Variants in SHISA9 observed in about 807,000 individuals in gnomAD.
SHISA9 encodes the protein protein shisa-9.
SHISA9 carries 13 observed loss-of-function variants against 38.0 expected under a neutral mutation model. The observed-to-expected ratio is 0.34, with a 90% confidence interval of 0.22 to 0.54. The LOEUF (loss-of-function observed/expected upper bound fraction) is 0.54. SHISA9 is among the 20% of genes least tolerant of loss of function. The pLI is 0.91. For missense variants in SHISA9, 538 were observed against 575.8 expected (o/e 0.93, Z 0.67); for synonymous variants, 275 against 242.0 (o/e 1.14, Z -1.27).
the SHISA9 span, among the ~76,000 whole-genome samples, chr16:13,484,031 TG>T: frequency 6.6e-6 from 1 of 152,136 alleles, no homozygotes; most frequent in Non-Finnish European, 1.5e-5. Flanking sequence ...GACTGGTGTC[TG>T]GGGTAGGGGT....
chr16:13,128,246 T>A (rs1231815135), intron 2 of SHISA9, among the ~76,000 whole-genome samples: 1 of 152,220 alleles, frequency 6.6e-6, no homozygotes, highest in Non-Finnish European at 1.5e-5. Context: ...AGAAGACAGG[T>A]GACATATTTT....
the SHISA9 span, among the ~76,000 whole-genome samples, chr16:13,436,008 C>G: frequency 6.6e-6 from 1 of 152,124 alleles, no homozygotes; most frequent in Non-Finnish European, 1.5e-5. Context: ...TGTTGGGGCA[C>G]CCTTGTAGGC....
intron 2 of SHISA9, among the ~76,000 whole-genome samples, chr16:13,007,904 T>C (rs1306634095): frequency 1.3e-5 from 2 of 152,210 alleles, no homozygotes; most frequent in Non-Finnish European, 2.9e-5. Flanking sequence ...AGGGTTTTAG[T>C]ATTCCCAGGG....
intron 4 of SHISA9, among the ~76,000 whole-genome samples, chr16:13,213,875 A>G (rs2051143394): frequency 6.6e-6 from 1 of 152,158 alleles, no homozygotes; most frequent in Non-Finnish European, 1.5e-5. Context: ...GCGCCCTACT[A>G]TGTGCCAGAG....
chr16:13,355,046 G>C, the SHISA9 span, among the ~76,000 whole-genome samples: 1 of 149,632 alleles, frequency 6.7e-6, no homozygotes. Context: ...AAGAAAGCAT[G>C]TTTGAGATCT....
chr16:13,426,001 C>G, the SHISA9 span, among the ~76,000 whole-genome samples: 1 of 152,154 alleles, frequency 6.6e-6, no homozygotes, highest in Non-Finnish European at 1.5e-5. Context: ...GGTAAGCTAA[C>G]GAACAGGAAA....
At chr16:12,933,143 T>G (rs1738423908) in intron 2 of SHISA9, among the ~76,000 whole-genome samples, 1 of 152,212 alleles carries the variant, frequency 6.6e-6, no homozygotes. Context: ...AATGAATGAA[T>G]ATATGAATGA....
intron 2 of SHISA9, among the ~76,000 whole-genome samples, chr16:13,136,908 G>A (rs747206392): frequency 4.6e-5 from 7 of 152,050 alleles, no homozygotes; most frequent in East Asian, 1.9e-4. Context: ...AGCTCTTCTC[G>A]GTCATTGGCA....
intron 2 of SHISA9, among the ~76,000 whole-genome samples, chr16:13,166,082 A>G (rs746594499): frequency 6.6e-6 from 1 of 152,206 alleles, no homozygotes; most frequent in Non-Finnish European, 1.5e-5. Flanking sequence ...TAGTCTTGGC[A>G]TTTGATAGAT....
At chr16:13,206,684 T>A (rs953127630) in intron 3 of SHISA9, among the ~76,000 whole-genome samples, 1 of 152,232 alleles carries the variant, frequency 6.6e-6, no homozygotes, top group Non-Finnish European at 1.5e-5. Context: ...ATGTGCAAAC[T>A]GACACAGGCT....
chr16:12,970,337 A>ACATATGTG (rs1327949368), intron 2 of SHISA9, among the ~76,000 whole-genome samples: 1 of 87,412 alleles, frequency 1.1e-5, no homozygotes, highest in Non-Finnish European at 2.2e-5. Flanking sequence ...ATATATATAT[A>ACATATGTG]TATATACATA....
At chr16:13,216,206 AG>A (rs1367258467) in intron 4 of SHISA9, among the ~76,000 whole-genome samples, 2,081 of 52,868 alleles carry the variant, frequency 0.039, 30 homozygotes, top group Non-Finnish European at 0.051. Context: ...AAAAAAAAAA[AG>A]AGAGAGACAA....
the SHISA9 span, among the ~76,000 whole-genome samples, chr16:13,536,007 T>TC: frequency 2.0e-5 from 3 of 151,910 alleles, no homozygotes; most frequent in Non-Finnish European, 2.9e-5. Flanking sequence ...TTTTCTTTTT[T>TC]TTTTTTTTTG....
At chr16:13,197,558 CCTT>C (rs10533952) in intron 2 of SHISA9, 76,402 of 151,682 alleles carry the variant, frequency 0.5, 20,105 homozygotes, top group African/African-American at 0.67. Context: ...TGTATCTTAA[CCTT>C]CTTTGAAGAC....
intron 2 of SHISA9, among the ~76,000 whole-genome samples, chr16:12,992,660 G>T (rs1309581283): frequency 6.6e-6 from 1 of 152,162 alleles, no homozygotes; most frequent in African/African-American, 2.4e-5. Context: ...TGTTCTTTCA[G>T]CCACAACAAA....
chr16:13,069,074 T>G (rs2073472660), intron 2 of SHISA9, among the ~76,000 whole-genome samples: 1 of 152,016 alleles, frequency 6.6e-6, no homozygotes, highest in African/African-American at 2.4e-5. Flanking sequence ...TGTGTGTACA[T>G]GTGTACATGC....
At chr16:13,089,228 T>C (rs755140697) in intron 2 of SHISA9, among the ~76,000 whole-genome samples, 7 of 152,242 alleles carry the variant, frequency 4.6e-5, no homozygotes, top group Non-Finnish European at 7.3e-5. Context: ...GATTTACGCA[T>C]TGATGTTCAT....
chr16:13,388,086 G>A, the SHISA9 span, among the ~76,000 whole-genome samples: 1 of 152,060 alleles, frequency 6.6e-6, no homozygotes. Flanking sequence ...TCCATCCTGG[G>A]AGCTCTATAT....
At chr16:12,992,378 A>G (rs2072398137) in intron 2 of SHISA9, among the ~76,000 whole-genome samples, 3 of 151,480 alleles carry the variant, frequency 2.0e-5, no homozygotes. Flanking sequence ...AAAAAAAAAA[A>G]AAAGTAAACC....
Sources: gnomAD v4.1 joint callset for allele counts (sites outside exome capture counted in the v4.1 genomes callset) on GRCh38, gnomAD v4.1.1 for gene constraint, MANE v1.5 for transcripts, NCBI Gene and HGNC (gene_info 2026-07-23, HGNC 2026-07-21) for gene names.